The following KSR2 variants were observed in gnomAD, a reference collection of about 807,000 sequenced individuals.
The protein encoded by KSR2 is kinase suppressor of ras 2.
KSR2 carries 25 observed loss-of-function variants against 107.8 expected under a neutral mutation model. The ratio of observed to expected loss-of-function variants is 0.23; its 90% confidence interval spans 0.17 to 0.32. The LOEUF (loss-of-function observed/expected upper bound fraction) is 0.32, where lower values mean the gene tolerates loss of function less well. KSR2 is among the 10% of genes least tolerant of loss of function. The pLI, the probability that KSR2 is intolerant of heterozygous loss-of-function variation, is 1.00. For synonymous variants in KSR2, 480 were observed against 507.0 expected (o/e 0.95, Z 0.71); for missense variants, 887 against 1,268.9 (o/e 0.70, Z 4.57).
Position 117,890,272 on chromosome 12 carries a change from G to A in KSR2, c.181-29841C>T, listed in dbSNP as rs149855012. On this transcript the variant is annotated intron_variant, in intron 1 of 19. Coordinates refer to ENST00000339824, the MANE Select transcript of KSR2 (RefSeq NM_173598.6). The stretch of plus-strand genomic sequence containing the variant: ...ACCTAAAGTCACCCAAGTCACACTG[G>A]GTCCCATAAGCTAGTAACTAGTTTG... Among the ~76,000 whole-genome samples the A allele has an allele frequency of 1.1e-4, 16 of 152,252 alleles. No individual in the cohort carries two copies. The East Asian group carries it at 2.9e-3, about 28-fold the overall frequency.
chr12:117,709,821 G>T (rs1886683487), intron 4 of KSR2, among the ~76,000 whole-genome samples: 1 of 152,194 alleles, frequency 6.6e-6, no homozygotes, highest in East Asian at 1.9e-4. Context: ...CCCACACAAT[G>T]CCAGTAGCAC....
intron 7 of KSR2, among the ~76,000 whole-genome samples, chr12:117,574,618 G>A (rs778844597): frequency 6.6e-6 from 1 of 152,104 alleles, no homozygotes; most frequent in African/African-American, 2.4e-5. Flanking sequence ...ATTATCTCCT[G>A]CCGGGTCCCT....
At chr12:117,943,521 A>C (rs1044858811) in intron 1 of KSR2, among the ~76,000 whole-genome samples, 7 of 151,136 alleles carry the variant, frequency 4.6e-5, no homozygotes, top group Admixed American at 6.6e-5. Flanking sequence ...AAAAAAAAAA[A>C]AAAAAACCTC....
intron 3 of KSR2, among the ~76,000 whole-genome samples, chr12:117,773,589 C>T (rs1889583626): frequency 6.6e-6 from 1 of 152,164 alleles, no homozygotes; most frequent in South Asian, 2.1e-4. Context: ...GTCTACCATT[C>T]CAGGATCAAC....
intron 3 of KSR2, among the ~76,000 whole-genome samples, chr12:117,783,600 G>A (rs1008504591): frequency 1.1e-4 from 17 of 152,334 alleles, no homozygotes; most frequent in African/African-American, 4.1e-4. Context: ...AACAACCTGA[G>A]GATTCCTACA....
Position 117,906,492 on chromosome 12 carries a change from G to A in KSR2, c.181-46061C>T, listed in dbSNP as rs138144637. Reference sequence around the variant, plus strand: ...ATGGTGGTACGCGCCTGTAGTTCCAGCTACTTGGAAGGCTGAAGCAGGAGA... The same window carrying A: ...ATGGTGGTACGCGCCTGTAGTTCCAACTACTTGGAAGGCTGAAGCAGGAGA... On this transcript the variant is annotated intron_variant, in intron 1 of 19. Transcript: ENST00000339824. 4.0e-3 allele frequency among the ~76,000 whole-genome samples: 615 copies of A among 151,976 alleles called. 26 individuals carry two copies. In the East Asian group the frequency reaches 0.095, roughly 23 times the overall value.
At chr12:117,676,345 G>A (rs1244012706) in intron 4 of KSR2, among the ~76,000 whole-genome samples, 1 of 152,186 alleles carries the variant, frequency 6.6e-6, no homozygotes, top group African/African-American at 2.4e-5. Context: ...GGAGGAATAC[G>A]CAGTCCTTTT....
chr12:117,534,184 G>C (rs1049985605), intron 10 of KSR2, among the ~76,000 whole-genome samples: 1 of 152,116 alleles, frequency 6.6e-6, no homozygotes, highest in Non-Finnish European at 1.5e-5. Flanking sequence ...CCTCCCAAGA[G>C]AGCAGCCAGA....
chr12:117,532,081 C>T (rs1225241966), intron 10 of KSR2, among the ~76,000 whole-genome samples: 5 of 152,158 alleles, frequency 3.3e-5, no homozygotes, highest in African/African-American at 9.7e-5. Flanking sequence ...ATTACAGTGG[C>T]TTAAAAAATC....
chr12:117,717,434 G>A (rs764796562), intron 4 of KSR2, among the ~76,000 whole-genome samples: 19 of 152,080 alleles, frequency 1.2e-4, no homozygotes, highest in African/African-American at 1.9e-4. Flanking sequence ...TGGGAAGATC[G>A]CTTGAGCCCA....
intron 7 of KSR2, 40 bp downstream of exon 7, chr12:117,579,079 C>G (rs753519829): frequency 2.8e-6 from 4 of 1,436,396 alleles, no homozygotes; most frequent in Non-Finnish European, 3.9e-6. Flanking sequence ...TAGCTGACAT[C>G]GGGTGCTGCG....
intron 4 of KSR2, among the ~76,000 whole-genome samples, chr12:117,707,802 C>T (rs1245197875): frequency 1.3e-5 from 2 of 152,148 alleles, no homozygotes; most frequent in African/African-American, 4.8e-5. Flanking sequence ...AAAACCAGCA[C>T]CAAGGTGTGG....
At chr12:117,696,942 C>T (rs556182154) in intron 4 of KSR2, among the ~76,000 whole-genome samples, 2 of 152,146 alleles carry the variant, frequency 1.3e-5, no homozygotes, top group Admixed American at 6.5e-5. Context: ...TTTCACATCA[C>T]GACACACCCA....
chr12:117,933,804 A>C (rs944443051), intron 1 of KSR2, among the ~76,000 whole-genome samples: 7 of 152,284 alleles, frequency 4.6e-5, no homozygotes, highest in Non-Finnish European at 7.4e-5. Flanking sequence ...CCTGTGGCTC[A>C]GTAAAGTTAT....
chr12:117,500,698 T>G (rs1873325266), intron 14 of KSR2, among the ~76,000 whole-genome samples: 1 of 152,200 alleles, frequency 6.6e-6, no homozygotes, highest in Non-Finnish European at 1.5e-5. Context: ...TTGTACTCAT[T>G]CTACCCACAC....
chr12:117,867,693 C>A (rs925894665), intron 1 of KSR2, among the ~76,000 whole-genome samples: 6 of 152,356 alleles, frequency 3.9e-5, no homozygotes, highest in Middle Eastern at 3.4e-3. Flanking sequence ...CCAGCCAAAA[C>A]CATCCTAGCG....
chr12:117,550,865 C>T (rs1877251034), intron 9 of KSR2, among the ~76,000 whole-genome samples: 1 of 152,160 alleles, frequency 6.6e-6, no homozygotes, highest in African/African-American at 2.4e-5. Flanking sequence ...AGGAGCTGGA[C>T]TGAGCTAAAG....
intron 10 of KSR2, among the ~76,000 whole-genome samples, chr12:117,532,804 G>C (rs1297408224): frequency 2.6e-5 from 4 of 152,184 alleles, no homozygotes; most frequent in Non-Finnish European, 5.9e-5. Flanking sequence ...AGGGGACACA[G>C]AGATTTGTGT....
intron 5 of KSR2, among the ~76,000 whole-genome samples, chr12:117,604,845 C>G (rs1188070561): frequency 6.6e-6 from 1 of 152,172 alleles, no homozygotes; most frequent in Non-Finnish European, 1.5e-5. Flanking sequence ...ACGGAGGTGG[C>G]CCGCTGCTCA....
Sources: allele counts gnomAD v4.1 joint callset (sites outside exome capture counted in the v4.1 genomes callset), GRCh38; gene constraint gnomAD v4.1.1; transcripts MANE v1.5; gene names NCBI Gene and HGNC (gene_info 2026-07-23, HGNC 2026-07-21).